Variants in CTTNBP2 observed in about 807,000 individuals in gnomAD.
CTTNBP2 encodes cortactin-binding protein 2.
CTTNBP2 carries 108 observed loss-of-function variants against 156.9 expected under a neutral mutation model. The observed-to-expected ratio is 0.69, with a 90% CI of 0.59 to 0.81. The LOEUF is 0.81. Among genes scored for constraint, CTTNBP2 ranks in the 30% least tolerant of loss-of-function variants. CTTNBP2 has a pLI of 0.00. For synonymous variants in CTTNBP2, 767 were observed against 751.8 expected, an observed-to-expected ratio of 1.02 and a Z score of -0.33; for missense variants, 1,924 against 2,035.4, an observed-to-expected ratio of 0.95 and a Z score of 1.05.
intron 3 of CTTNBP2, among the ~76,000 whole-genome samples, chr7:117,800,255 T>C (rs1799538164): frequency 6.6e-6 from 1 of 152,016 alleles, no homozygotes; most frequent in Non-Finnish European, 1.5e-5. Context: ...ATTAAAACAA[T>C]AGTCATCGTT....
chr7:117,861,500 G>A (rs762026296), intron 1 of CTTNBP2, among the ~76,000 whole-genome samples, 184 bp from the exon 2 acceptor site: 1 of 152,016 alleles, frequency 6.6e-6, no homozygotes, highest in African/African-American at 2.4e-5. Context: ...AAACTATAAC[G>A]CCAATCTCTC....
intron 11 of CTTNBP2, 22 bp from the exon 12 acceptor site, chr7:117,756,656 G>T: frequency 6.9e-7 from 1 of 1,448,284 alleles, no homozygotes; most frequent in Non-Finnish European, 9.7e-7. Flanking sequence ...GACAGACGAA[G>T]AAAAATGGGT....
At chr7:117,807,086 A>C (rs1290691937) in intron 3 of CTTNBP2, among the ~76,000 whole-genome samples, 1 of 151,962 alleles carries the variant, frequency 6.6e-6, no homozygotes, top group Non-Finnish European at 1.5e-5. Context: ...GGATCAGGCA[A>C]ACTGCTCTCT....
intron 22 of CTTNBP2, among the ~76,000 whole-genome samples, chr7:117,716,891 C>T (rs533819706): frequency 5.3e-5 from 8 of 152,286 alleles, no homozygotes; most frequent in Non-Finnish European, 8.8e-5. Flanking sequence ...GCTAGGTGAT[C>T]AGATAAAGCT....
intron 14 of CTTNBP2, among the ~76,000 whole-genome samples, chr7:117,740,553 A>G (rs1055218117): frequency 6.6e-6 from 1 of 152,314 alleles, no homozygotes; most frequent in Admixed American, 6.5e-5. Flanking sequence ...TGTACTCTTC[A>G]GTTGTGGTAC....
intron 4 of CTTNBP2, among the ~76,000 whole-genome samples, chr7:117,786,946 G>T (rs1030914866): frequency 6.6e-6 from 1 of 151,872 alleles, no homozygotes; most frequent in Non-Finnish European, 1.5e-5. Context: ...TATATCAGTT[G>T]CCTTATTTTT....
At chr7:117,780,002 C>A (rs1248341909) in intron 7 of CTTNBP2, among the ~76,000 whole-genome samples, 1 of 152,084 alleles carries the variant, frequency 6.6e-6, no homozygotes, top group Non-Finnish European at 1.5e-5. Context: ...TCAGGTGATC[C>A]GCCCATCTCA....
chr7:117,732,013 A>G (rs35941557), intron 16 of CTTNBP2, among the ~76,000 whole-genome samples: 45,743 of 152,012 alleles, frequency 0.3, 7,893 homozygotes, highest in African/African-American at 0.46. Flanking sequence ...ACTTAATAAG[A>G]ATGACATTAA....
At chr7:117,762,396 G>A (rs971541408) in intron 9 of CTTNBP2, among the ~76,000 whole-genome samples, 5 of 152,106 alleles carry the variant, frequency 3.3e-5, no homozygotes, top group Admixed American at 6.5e-5. Flanking sequence ...CAACTCCATC[G>A]TGCCAGTTGG....
At chr7:117,873,269 G>C in intron 1 of CTTNBP2, 66 bp downstream of exon 1, 1 of 1,210,664 alleles carries the variant, frequency 8.3e-7, no homozygotes, top group Non-Finnish European at 1.1e-6. Context: ...GGTCCGGCTG[G>C]GACCCCGGCG....
chr7:117,722,229 A>C (rs912464136), intron 19 of CTTNBP2, among the ~76,000 whole-genome samples: 2 of 148,862 alleles, frequency 1.3e-5, no homozygotes, highest in African/African-American at 4.9e-5. Flanking sequence ...TTCCATAGTG[A>C]TCTGCATGCA....
chr7:117,721,308 C>T (rs1308974503), intron 19 of CTTNBP2, among the ~76,000 whole-genome samples, 178 bp from the exon 20 acceptor site: 2 of 152,218 alleles, frequency 1.3e-5, no homozygotes, highest in East Asian at 3.8e-4. Context: ...CCTGCAGAGG[C>T]ACTGTGGGAA....
chr7:117,727,801 C>T (rs188909296), intron 17 of CTTNBP2, among the ~76,000 whole-genome samples: 2 of 152,142 alleles, frequency 1.3e-5, no homozygotes, highest in African/African-American at 2.4e-5. Context: ...CTTGATGAAA[C>T]TTCTTATGTG....
At chr7:117,859,450 G>A (rs1436248319) in intron 2 of CTTNBP2, among the ~76,000 whole-genome samples, 1 of 152,130 alleles carries the variant, frequency 6.6e-6, no homozygotes, top group Non-Finnish European at 1.5e-5. Flanking sequence ...TGAGTAGTGG[G>A]GAATTCCACA....
chr7:117,869,953 G>A (rs145543291), intron 1 of CTTNBP2, among the ~76,000 whole-genome samples: 1 of 152,188 alleles, frequency 6.6e-6, no homozygotes, highest in Non-Finnish European at 1.5e-5. Context: ...AAAACCCTTC[G>A]CATATGGCTC....
chr7:117,818,520 G>C (rs1478008853), intron 2 of CTTNBP2, among the ~76,000 whole-genome samples: 1 of 152,126 alleles, frequency 6.6e-6, no homozygotes, highest in Admixed American at 6.5e-5. Flanking sequence ...AAAACACTTA[G>C]GGGTGTCAAT....
At chr7:117,744,433 T>C (rs1796202393) in intron 14 of CTTNBP2, among the ~76,000 whole-genome samples, 1 of 152,220 alleles carries the variant, frequency 6.6e-6, no homozygotes, top group Admixed American at 6.5e-5. Context: ...GAACCTGTGA[T>C]GTTTGTCTTT....
chr7:117,719,570 G>T lies in CTTNBP2; in HGVS notation c.4578C>A (p.Asp1526Glu). Reference protein sequence around the residue: ...LDQRLSLGSDDEADLVKELQS... With the variant: ...LDQRLSLGSDEEADLVKELQS... The stretch of plus-strand genomic sequence containing the variant: ...GAAGTTCCTTGACAAGATCTGCTTC[G>T]TCATCTGAACCCAGAGAGAGTCTCT... Residue 1526 changes from aspartate (D) to glutamate (E), a missense_variant, in exon 21 of 23, where the codon GAC (aspartate) becomes GAA (glutamate). Physicochemically the swap from Asp to Glu is conservative, Grantham distance 45. Coordinates refer to ENST00000160373, the MANE Select transcript of CTTNBP2 (RefSeq NM_033427.3). 1 of 1,613,604 alleles carries T rather than the reference G, an allele frequency of 6.2e-7. No individual in the cohort carries two copies. Among genetic ancestry groups the T allele is most frequent in the Non-Finnish European group, 8.5e-7 (1 of 1,179,636 alleles).
chr7:117,776,155 G>T (rs1206509367), intron 8 of CTTNBP2, among the ~76,000 whole-genome samples: 4 of 152,128 alleles, frequency 2.6e-5, no homozygotes, highest in African/African-American at 9.7e-5. Context: ...TCTTTTCCTT[G>T]TTCCTTTTGG....
Sources: allele counts gnomAD v4.1 joint callset (sites outside exome capture counted in the v4.1 genomes callset), GRCh38; gene constraint gnomAD v4.1.1; transcripts MANE v1.5; gene names NCBI Gene and HGNC (gene_info 2026-07-23, HGNC 2026-07-21).